Variants in CSNK1G1 observed in about 807,000 individuals in gnomAD.
The protein encoded by CSNK1G1 is casein kinase I isoform gamma-1.
CSNK1G1 carries 22 observed loss-of-function variants against 59.6 expected under a neutral mutation model. That is an observed-to-expected ratio of 0.37 (90% CI 0.26 to 0.53). The LOEUF (loss-of-function observed/expected upper bound fraction) is 0.53, where lower values mean the gene tolerates loss of function less well. CSNK1G1 is among the 20% of genes least tolerant of loss of function. CSNK1G1 has a pLI of 0.89. For synonymous variants in CSNK1G1, 179 were observed against 177.1 expected (o/e 1.01, Z -0.08); for missense variants, 384 against 519.5 (o/e 0.74, Z 2.54).
intron 10 of CSNK1G1, among the ~76,000 whole-genome samples, chr15:64,183,903 T>G (rs539356839): frequency 6.6e-6 from 1 of 152,134 alleles, no homozygotes; most frequent in Admixed American, 6.5e-5. Flanking sequence ...ATCTGGCTAA[T>G]TTTTGTATTT....
At chr15:64,319,514 A>C (rs747211268) in intron 1 of CSNK1G1, among the ~76,000 whole-genome samples, 13 of 151,854 alleles carry the variant, frequency 8.6e-5, no homozygotes, top group Non-Finnish European at 1.3e-4. Flanking sequence ...CCTGAATTTT[A>C]AATTATTATA....
At chr15:64,323,465 A>C (rs1195469865) in intron 1 of CSNK1G1, among the ~76,000 whole-genome samples, 1 of 151,958 alleles carries the variant, frequency 6.6e-6, no homozygotes, top group African/African-American at 2.4e-5. Flanking sequence ...TCCTGGGTAC[A>C]AGCGATTCTC....
chr15:64,301,368 C>A (rs1329191912), intron 1 of CSNK1G1, among the ~76,000 whole-genome samples: 17 of 142,292 alleles, frequency 1.2e-4, no homozygotes, highest in Non-Finnish European at 7.7e-5. Context: ...GAAAATAAAG[C>A]AAAAAAAAAA....
chr15:64,246,011 C>G (rs889074587), intron 4 of CSNK1G1, among the ~76,000 whole-genome samples: 2 of 152,052 alleles, frequency 1.3e-5, no homozygotes, highest in Non-Finnish European at 2.9e-5. Context: ...GCAATAAATT[C>G]TAGTGTTGAT....
chr15:64,251,718 C>A, intron 3 of CSNK1G1, 137 bp from the exon 4 acceptor site: 2 of 618,280 alleles, frequency 3.2e-6, no homozygotes, highest in Non-Finnish European at 5.7e-6. Context: ...CTTTTCTAAC[C>A]ACAATTGGTC....
chr15:64,196,514 C>T (rs765682619), intron 10 of CSNK1G1, among the ~76,000 whole-genome samples: 12 of 151,662 alleles, frequency 7.9e-5, no homozygotes, highest in Non-Finnish European at 1.6e-4. Flanking sequence ...TGCAATGGCA[C>T]GATCTCGGCT....
At chr15:64,217,431 G>A (rs1359496854) in intron 4 of CSNK1G1, among the ~76,000 whole-genome samples, 3 of 152,164 alleles carry the variant, frequency 2.0e-5, no homozygotes, top group Non-Finnish European at 2.9e-5. Context: ...CACCTAAGTG[G>A]CAAATTGTGA....
intron 1 of CSNK1G1, among the ~76,000 whole-genome samples, chr15:64,305,720 A>G (rs1050642844): frequency 2.0e-5 from 3 of 149,882 alleles, no homozygotes; most frequent in Non-Finnish European, 4.4e-5. Context: ...AAAAACAAAA[A>G]CAAAAAAAAA....
chr15:64,333,673 G>T (rs960005255), intron 1 of CSNK1G1, among the ~76,000 whole-genome samples: 1 of 152,048 alleles, frequency 6.6e-6, no homozygotes, highest in Admixed American at 6.6e-5. Context: ...TGGAAACCAA[G>T]TATTTGCTGT....
At chr15:64,215,492 G>T (rs971029812) in intron 5 of CSNK1G1, among the ~76,000 whole-genome samples, 2 of 152,102 alleles carry the variant, frequency 1.3e-5, no homozygotes, top group Non-Finnish European at 2.9e-5. Flanking sequence ...GATTACAGGC[G>T]TGAGCCACCA....
intron 4 of CSNK1G1, among the ~76,000 whole-genome samples, chr15:64,233,558 G>C (rs956580595): frequency 6.6e-6 from 1 of 152,124 alleles, no homozygotes; most frequent in Non-Finnish European, 1.5e-5. Flanking sequence ...AATATCTCTT[G>C]CTTATATTTC....
chr15:64,350,716 T>A (rs908304550), intron 1 of CSNK1G1, among the ~76,000 whole-genome samples: 3 of 152,122 alleles, frequency 2.0e-5, no homozygotes, highest in Admixed American at 6.6e-5. Context: ...TTTTACAAAA[T>A]AATCTGATGA....
At chr15:64,272,513 G>A (rs375781416) in intron 2 of CSNK1G1, among the ~76,000 whole-genome samples, 7 of 152,076 alleles carry the variant, frequency 4.6e-5, no homozygotes, top group East Asian at 1.9e-4. Context: ...CACCACGCCC[G>A]GCCCCACTCT....
intron 4 of CSNK1G1, among the ~76,000 whole-genome samples, chr15:64,226,059 TG>T (rs2082457116): frequency 6.6e-6 from 1 of 152,234 alleles, no homozygotes; most frequent in Non-Finnish European, 1.5e-5. Flanking sequence ...CGTCTTCCAT[TG>T]CTTTGTGCGT....
At chr15:64,290,514 G>A (rs1894679631) in intron 2 of CSNK1G1, among the ~76,000 whole-genome samples, 1 of 152,114 alleles carries the variant, frequency 6.6e-6, no homozygotes, top group African/African-American at 2.4e-5. Flanking sequence ...TCACTTATAA[G>A]TGGGAGCTAA....
intron 1 of CSNK1G1, chr15:64,315,606 G>A (rs1896225063): frequency 6.6e-6 from 1 of 152,048 alleles, no homozygotes; most frequent in Non-Finnish European, 1.5e-5. Flanking sequence ...CACTGACTAG[G>A]TCACACTGTC....
intron 1 of CSNK1G1, among the ~76,000 whole-genome samples, chr15:64,347,759 G>A (rs1898057613): frequency 6.6e-6 from 1 of 152,048 alleles, no homozygotes; most frequent in Non-Finnish European, 1.5e-5. Flanking sequence ...TGTAATCCCA[G>A]CACTTTGGGA....
chr15:64,331,870 AAC>A (rs1471106561), intron 1 of CSNK1G1, among the ~76,000 whole-genome samples: 1 of 149,114 alleles, frequency 6.7e-6, no homozygotes, highest in African/African-American at 2.4e-5. Context: ...GAAGGACATG[AAC>A]AGACACTTCT....
chr15:64,334,964 G>C (rs1179816416), intron 1 of CSNK1G1, among the ~76,000 whole-genome samples: 5 of 152,180 alleles, frequency 3.3e-5, no homozygotes, highest in African/African-American at 1.2e-4. Flanking sequence ...TAAGCTTAGA[G>C]ACCACAATAT....
Sources: allele counts gnomAD v4.1 joint callset (sites outside exome capture counted in the v4.1 genomes callset), GRCh38; gene constraint gnomAD v4.1.1; transcripts MANE v1.5; gene names NCBI Gene and HGNC (gene_info 2026-07-23, HGNC 2026-07-21).